Variants in NMRK1 observed in about 807,000 individuals in gnomAD.
NMRK1 encodes the protein NRK 1.
NMRK1 carries 28 observed loss-of-function variants against 29.9 expected under a neutral mutation model. That is an observed-to-expected ratio of 0.94 (90% CI 0.69 to 1.28). NMRK1 has a LOEUF of 1.28. Among genes scored for constraint, NMRK1 ranks in the 50% most tolerant of loss-of-function variants. NMRK1 has a pLI of 0.00. For missense variants in NMRK1, 218 were observed against 233.1 expected (o/e 0.94, Z 0.42); for synonymous variants, 58 against 73.0 (o/e 0.79, Z 1.05).
At chr9:75,064,488 T>C (rs1823224875) in intron 8 of NMRK1, among the ~76,000 whole-genome samples, 1 of 152,138 alleles carries the variant, frequency 6.6e-6, no homozygotes, top group South Asian at 2.1e-4. Flanking sequence ...TGAGATTCAT[T>C]ATGGAAGGCC....
chr9:75,068,778 A>G (rs1168854726), intron 7 of NMRK1, among the ~76,000 whole-genome samples: 1 of 152,202 alleles, frequency 6.6e-6, no homozygotes, highest in African/African-American at 2.4e-5. Flanking sequence ...CAGCACTGGA[A>G]GGCATTCATT....
intron 4 of NMRK1, 121 bp downstream of exon 4, chr9:75,077,038 T>C (rs1201872047): frequency 1.5e-6 from 1 of 647,502 alleles, no homozygotes; most frequent in Non-Finnish European, 2.8e-6. Context: ...ACAGATATAG[T>C]GAAGTTCTTT....
intron 6 of NMRK1, chr9:75,069,468 T>C: frequency 2.1e-6 from 1 of 485,426 alleles, no homozygotes; most frequent in Non-Finnish European, 3.6e-6. Flanking sequence ...TCACTTACAT[T>C]AAAATCCTAA....
intron 4 of NMRK1, among the ~76,000 whole-genome samples, chr9:75,072,348 G>C (rs1235302316): frequency 1.3e-5 from 2 of 152,194 alleles, no homozygotes; most frequent in Non-Finnish European, 1.5e-5. Flanking sequence ...GGGAGGAACA[G>C]TGAGCAATGG....
intron 2 of NMRK1, 146 bp downstream of exon 2, chr9:75,082,941 G>A: frequency 1.5e-6 from 1 of 655,344 alleles, no homozygotes; most frequent in Non-Finnish European, 2.8e-6. Flanking sequence ...TATGAAGCCA[G>A]TGCTCCACTG....
rs1361582455 is a variant in NMRK1, at chr9:75,080,418, G to A, written c.29+2669C>T. Among the ~76,000 whole-genome samples the A allele has an allele frequency of 2.6e-5, 4 of 152,124 alleles. No homozygotes were observed. The East Asian group carries it at 5.8e-4, about 22-fold the overall frequency. ...TGTAATCCCAGTACTTTGGGAGGTC[G>A]AGGTGGGTGGATCACCTGAGGTCAG... is the stretch of plus-strand genomic sequence containing the variant. On this transcript the variant is annotated intron_variant, in intron 2 of 8. Transcript: ENST00000361092.
At chr9:75,068,209 T>C (rs899014964) in intron 7 of NMRK1, among the ~76,000 whole-genome samples, 1 of 152,092 alleles carries the variant, frequency 6.6e-6, no homozygotes, top group African/African-American at 2.4e-5. Context: ...ACCCTATAAA[T>C]CTATCCTCCT....
At chr9:75,068,834 C>CAG (rs1226842885) in intron 7 of NMRK1, among the ~76,000 whole-genome samples, 162 bp downstream of exon 7, 1 of 152,200 alleles carries the variant, frequency 6.6e-6, no homozygotes, top group Non-Finnish European at 1.5e-5. Context: ...ACAAGAGCCA[C>CAG]AGAGAGAAAC....
intron 8 of NMRK1, among the ~76,000 whole-genome samples, chr9:75,065,873 C>T (rs1205975783): frequency 2.0e-5 from 3 of 152,166 alleles, no homozygotes; most frequent in Admixed American, 1.3e-4. Flanking sequence ...TACTCAATAT[C>T]CAGCTCCAAC....
rs571814937 is a variant in NMRK1, at chr9:75,069,667, A to G, written c.389+75T>C. The G allele has an allele frequency of 1.0e-4, 120 of 1,166,388 alleles. 1 individual carries two copies. The South Asian group carries it at 1.5e-3, about 14-fold the overall frequency. The allele number at this position is 1,166,388 out of a possible 1,614,324, so 72.3% of individuals were successfully genotyped here. A position where few individuals can be genotyped will look rare whatever the true frequency, so the allele number is the denominator to read the frequency against. ...AAATGACGTATACGCATTGCTCAAT[A>G]ATGTTGCTGTCCTCATTTTTCTTCT... On this transcript the variant is annotated intron_variant, in intron 6 of 8. Coordinates refer to ENST00000361092, the MANE Select transcript of NMRK1 (RefSeq NM_017881.3).
chr9:75,069,769 G>A lies in NMRK1; in HGVS notation c.362C>T (p.Pro121Leu). The A allele has an allele frequency of 1.2e-6, 2 of 1,612,028 alleles. No individual in the cohort carries two copies. Among genetic ancestry groups the A allele is most frequent in the Admixed American group, 1.7e-5 (1 of 59,688 alleles). The change falls in exon 6 of 9, where the codon CCA becomes CTA. Residue 121 changes from proline (P) to leucine (L), a missense_variant. Coordinates refer to ENST00000361092, the MANE Select transcript of NMRK1 (RefSeq NM_017881.3). The part of the protein sequence containing the change: ...IWNRSYFLTI[P>L]YEECKRRRST... ...CCTCCTCCTTTTACATTCTTCATATGGAATAGTCAGGAAATAGCTTCTATT... is the reference window on the plus strand; with the variant it reads ...CCTCCTCCTTTTACATTCTTCATATAGAATAGTCAGGAAATAGCTTCTATT...
chr9:75,072,135 T>C (rs999723967), intron 4 of NMRK1, among the ~76,000 whole-genome samples: 4 of 152,238 alleles, frequency 2.6e-5, no homozygotes, highest in African/African-American at 9.6e-5. Flanking sequence ...CCCTTTTCCT[T>C]GTCCCTTTTT....
chr9:75,087,278 C>T (rs1824715314), intron 1 of NMRK1, among the ~76,000 whole-genome samples: 1 of 152,058 alleles, frequency 6.6e-6, no homozygotes, highest in African/African-American at 2.4e-5. Context: ...TTTCTTTCCC[C>T]AAATATACAA....
In NMRK1 at chr9:75,066,775, C is replaced by T; in HGVS notation, c.562G>A (p.Glu188Lys). ...TACTTACACTTTTGCTTTGCTAGTT[C>T]TTGTATTAGATCTTCATATACTTGC... ...FLQVYEDLIQ[E>K]LAKQKCLQVT... is the part of the protein sequence containing the mutation. The change falls in exon 8 of 9, where the codon GAA (glutamate) becomes AAA (lysine). Residue 188 changes from glutamate (E) to lysine (K), a missense_variant. By Grantham distance (56) the Glu-to-Lys change is moderately conservative. Coordinates refer to ENST00000361092, the MANE Select transcript of NMRK1 (RefSeq NM_017881.3). 1 of 1,602,018 alleles carries T rather than the reference C, an allele frequency of 6.2e-7. No individual in the cohort carries two copies. The highest frequency in any genetic ancestry group is 8.6e-7 in the Non-Finnish European group (1 of 1,169,060).
At chr9:75,081,614 C>T (rs747141930) in intron 2 of NMRK1, among the ~76,000 whole-genome samples, 9 of 152,122 alleles carry the variant, frequency 5.9e-5, no homozygotes, top group Non-Finnish European at 1.3e-4. Flanking sequence ...CAGATGAAGG[C>T]TGGATTGGAT....
intron 4 of NMRK1, 80 bp from the exon 5 acceptor site, chr9:75,070,122 G>C: frequency 9.1e-7 from 1 of 1,094,478 alleles, no homozygotes; most frequent in Non-Finnish European, 1.3e-6. Flanking sequence ...AGTATATCCA[G>C]GATTCTGTAA....
At chr9:75,081,009 T>C (rs968118435) in intron 2 of NMRK1, among the ~76,000 whole-genome samples, 12 of 152,336 alleles carry the variant, frequency 7.9e-5, no homozygotes, top group Admixed American at 4.6e-4. Context: ...CATTCCTTTA[T>C]AGCAAGACAA....
In NMRK1 at chr9:75,060,897, A is replaced by T. The variant is rs1254615685; in HGVS notation, c.*651T>A. ...CACACACACACACACACACACACAC[A>T]CTCAACAAAATACACAAATAATCCT... On this transcript the variant is annotated 3_prime_UTR_variant, in exon 9 of 9. Transcript: ENST00000361092. The T allele has an allele frequency of 2.8e-5, 4 of 140,618 alleles. No individual in the cohort carries two copies. The highest frequency in any genetic ancestry group is 7.1e-5 in the Admixed American group (1 of 14,078). 8.7% of individuals were successfully genotyped at this position (140,618 alleles called of 1,614,324 possible). A position where few individuals can be genotyped will look rare whatever the true frequency, so the allele number is the denominator to read the frequency against.
chr9:75,064,697 A>G (rs2117996721), intron 8 of NMRK1, among the ~76,000 whole-genome samples: 1 of 152,306 alleles, frequency 6.6e-6, no homozygotes, highest in African/African-American at 2.4e-5. Flanking sequence ...TCCTAGTCAA[A>G]GAGGAATTTA....
Sources: allele counts gnomAD v4.1 joint callset (sites outside exome capture counted in the v4.1 genomes callset), GRCh38; gene constraint gnomAD v4.1.1; transcripts MANE v1.5; gene names NCBI Gene and HGNC (gene_info 2026-07-23, HGNC 2026-07-21).